The following SCARA3 variants were observed in gnomAD, a reference collection of about 807,000 sequenced individuals.
The protein encoded by SCARA3 is cellular stress response gene protein.
In SCARA3, 39 loss-of-function variants were observed where a neutral mutation model predicts 47.0. The observed-to-expected ratio is 0.83, with a 90% confidence interval of 0.64 to 1.08. The LOEUF (loss-of-function observed/expected upper bound fraction) is 1.08. SCARA3 is among the 50% of genes least tolerant of loss of function. The probability of loss-of-function intolerance (pLI) is 0.00; values close to 1 mark genes in which losing one functional copy is unlikely to be tolerated. For synonymous variants in SCARA3, 356 were observed against 334.1 expected, an observed-to-expected ratio of 1.07 and a Z score of -0.71; for missense variants, 724 against 792.3, an observed-to-expected ratio of 0.91 and a Z score of 1.04.
the SCARA3 span, among the ~76,000 whole-genome samples, chr8:27,725,380 A>ATAATAT: frequency 2.0e-5 from 3 of 149,038 alleles, no homozygotes. Context: ...TAATATTTAT[A>ATAATAT]TTATATTTAT....
At chr8:27,639,059 A>G (rs1454581367) in intron 1 of SCARA3, among the ~76,000 whole-genome samples, 2 of 152,136 alleles carry the variant, frequency 1.3e-5, no homozygotes, top group Admixed American at 6.5e-5. Context: ...CGGTGTCCTC[A>G]GTGTCTCCAG....
At chr8:27,680,885 A>G (rs1170714063), downstream of SCARA3, among the ~76,000 whole-genome samples, 3 of 152,210 alleles carry the variant, frequency 2.0e-5, no homozygotes, top group East Asian at 5.8e-4. Context: ...TACAGAGTTA[A>G]GGAGAAAAAT....
At chr8:27,673,984 G>A (rs1365039757), downstream of SCARA3, among the ~76,000 whole-genome samples, 2 of 152,190 alleles carry the variant, frequency 1.3e-5, no homozygotes, top group Non-Finnish European at 1.5e-5. Context: ...TGGAACTCCA[G>A]TCTGGTGTCT....
chr8:27,668,727 A>C (rs1362881362), intron 5 of SCARA3, among the ~76,000 whole-genome samples: 1 of 152,090 alleles, frequency 6.6e-6, no homozygotes, highest in Non-Finnish European at 1.5e-5. Flanking sequence ...ATCAGCTGGC[A>C]TGGTGGCATG....
chr8:27,634,137 C>T lies in SCARA3; in HGVS notation c.-64C>T. The T allele has an allele frequency of 7.0e-7, 1 of 1,426,734 alleles. No individual in the cohort carries two copies. The highest frequency in any genetic ancestry group is 9.2e-7 in the Non-Finnish European group (1 of 1,091,842). 88.4% of individuals were successfully genotyped at this position (1,426,734 alleles called of 1,614,324 possible). A position where few individuals can be genotyped will look rare whatever the true frequency, so the allele number is the denominator to read the frequency against. ...GCGCCCTGGAGGATCCGCCGGCCGC[C>T]CGGCTCCACTACAGCTCCAGCCGCC... On this transcript the variant is annotated 5_prime_UTR_variant, in exon 1 of 6. Coordinates refer to ENST00000301904, the MANE Select transcript of SCARA3 (RefSeq NM_016240.3).
At chr8:27,729,643 T>C in the SCARA3 span, among the ~76,000 whole-genome samples, 2 of 151,644 alleles carry the variant, frequency 1.3e-5, no homozygotes, top group South Asian at 4.2e-4. Context: ...ACACAAAAAT[T>C]AGCCAGACGT....
chr8:27,650,868 G>C (rs925810268), intron 2 of SCARA3, among the ~76,000 whole-genome samples: 2 of 152,158 alleles, frequency 1.3e-5, no homozygotes, highest in Non-Finnish European at 2.9e-5. Context: ...GGGATTCCCA[G>C]GGTGTGGGGC....
chr8:27,668,973 CAG>C (rs1802082061), intron 5 of SCARA3, among the ~76,000 whole-genome samples: 1 of 152,142 alleles, frequency 6.6e-6, no homozygotes, highest in Non-Finnish European at 1.5e-5. Flanking sequence ...TGTGTAGGAG[CAG>C]GGCAGGGCAT....
At chr8:27,716,028 G>T in the SCARA3 span, among the ~76,000 whole-genome samples, 2 of 152,164 alleles carry the variant, frequency 1.3e-5, no homozygotes, top group Non-Finnish European at 2.9e-5. Flanking sequence ...CTCTTAGGCT[G>T]GGTGCAGTGG....
chr8:27,713,544 A>G, the SCARA3 span, among the ~76,000 whole-genome samples: 338 of 152,230 alleles, frequency 2.2e-3, 1 homozygote, highest in African/African-American at 7.8e-3. Context: ...ATGGTTCCCT[A>G]TTTTATCAAA....
At chr8:27,707,851 G>A in the SCARA3 span, among the ~76,000 whole-genome samples, 1 of 151,234 alleles carries the variant, frequency 6.6e-6, no homozygotes, top group African/African-American at 2.4e-5. Context: ...GAATGGTACT[G>A]AATGTCTCCA....
chr8:27,696,836 G>C, the SCARA3 span, among the ~76,000 whole-genome samples: 2 of 152,060 alleles, frequency 1.3e-5, no homozygotes, highest in Admixed American at 6.5e-5. Context: ...GTCCAGAAGA[G>C]GCAAATCTAG....
At position 27,658,990 on chromosome 8, in the gene SCARA3, G is replaced by C; in HGVS notation, c.820G>C (p.Glu274Gln). ...GCGCACCACCTCCACCAAGACTGGAGAGGCGGTCAAGAACATCCAGGCCAC... is the reference window on the plus strand; with the variant it reads ...GCGCACCACCTCCACCAAGACTGGACAGGCGGTCAAGAACATCCAGGCCAC... ...GLRTTSTKTG[E>Q]AVKNIQATLG... is the part of the protein sequence containing the mutation. Residue 274 changes from glutamate (E) to glutamine (Q), a missense_variant, in exon 5 of 6, where the codon GAG (glutamate) becomes CAG (glutamine). Physicochemically the swap from Glu to Gln is conservative, Grantham distance 29. Coordinates refer to ENST00000301904, the MANE Select transcript of SCARA3 (RefSeq NM_016240.3). 1 of 1,614,116 alleles carries C rather than the reference G, an allele frequency of 6.2e-7. No homozygotes were observed. The highest frequency in any genetic ancestry group is 8.5e-7 in the Non-Finnish European group (1 of 1,180,014).
At chr8:27,659,848 T>TAAAAAAAAAAAAAAAAAAAAAAA (rs1164812144) in intron 5 of SCARA3, among the ~76,000 whole-genome samples, 1 of 40,336 alleles carries the variant, frequency 2.5e-5, no homozygotes, top group Non-Finnish European at 3.9e-5. Flanking sequence ...AGTCCTTATC[T>TAAAAAAAAAAAAAAAAAAAAAAA]AAAAAAAAAA....
At chr8:27,646,502 G>A (rs973833251) in intron 1 of SCARA3, among the ~76,000 whole-genome samples, 8 of 152,234 alleles carry the variant, frequency 5.3e-5, no homozygotes, top group African/African-American at 1.9e-4. Context: ...AGCCAGAACA[G>A]GGAGGAGGCC....
chr8:27,645,487 T>C (rs748357491), intron 1 of SCARA3, among the ~76,000 whole-genome samples: 7 of 152,286 alleles, frequency 4.6e-5, no homozygotes, highest in Non-Finnish European at 8.8e-5. Context: ...GAGGCGTTTC[T>C]GAGATGGGCA....
At chr8:27,720,627 T>TCCATCCAA in the SCARA3 span, among the ~76,000 whole-genome samples, 168 of 147,202 alleles carry the variant, frequency 1.1e-3, no homozygotes, top group African/African-American at 3.2e-3. Flanking sequence ...TCTCCATCCA[T>TCCATCCAA]CCATCCATCC....
At chr8:27,695,999 G>A in the SCARA3 span, among the ~76,000 whole-genome samples, 1 of 151,662 alleles carries the variant, frequency 6.6e-6, no homozygotes, top group African/African-American at 2.4e-5. Context: ...CTCAAAACTA[G>A]GAATAAAGAT....
At chr8:27,724,673 A>C in the SCARA3 span, among the ~76,000 whole-genome samples, 2 of 152,156 alleles carry the variant, frequency 1.3e-5, no homozygotes, top group African/African-American at 4.8e-5. Flanking sequence ...AAAACCAAAC[A>C]AAAAACTGGT....
Sources: gnomAD v4.1 joint callset for allele counts (sites outside exome capture counted in the v4.1 genomes callset) on GRCh38, gnomAD v4.1.1 for gene constraint, MANE v1.5 for transcripts, NCBI Gene and HGNC (gene_info 2026-07-23, HGNC 2026-07-21) for gene names.